ARHGEF11: variants seen among roughly 807,000 people sequenced by gnomAD.
The protein encoded by ARHGEF11 is Rho guanine exchange factor (GEF) 11.
ARHGEF11 carries 55 observed loss-of-function variants against 193.7 expected under a neutral mutation model. That is an observed-to-expected ratio of 0.28 (90% confidence interval 0.23 to 0.36). ARHGEF11 has a LOEUF of 0.36. Ranked by LOEUF, ARHGEF11 falls within the 10% of genes least tolerant of loss-of-function variation. The pLI, the probability that ARHGEF11 is intolerant of heterozygous loss-of-function variation, is 1.00. For synonymous variants in ARHGEF11, 693 were observed against 768.0 expected, an observed-to-expected ratio of 0.90 and a Z score of 1.62; for missense variants, 1,723 against 2,005.6, an observed-to-expected ratio of 0.86 and a Z score of 2.69.
intron 1 of ARHGEF11, among the ~76,000 whole-genome samples, chr1:156,993,292 A>G (rs1304941764): frequency 6.6e-6 from 1 of 152,212 alleles, no homozygotes; most frequent in Non-Finnish European, 1.5e-5. Flanking sequence ...TTTCTCTTTT[A>G]CATACATACA....
chr1:157,041,008 T>G (rs1672678523), intron 1 of ARHGEF11, among the ~76,000 whole-genome samples: 1 of 152,196 alleles, frequency 6.6e-6, no homozygotes, highest in African/African-American at 2.4e-5. Context: ...GTCACATAGT[T>G]AAGGGGAAAG....
At chr1:156,957,444 G>A (rs1055122614) in intron 18 of ARHGEF11, among the ~76,000 whole-genome samples, 1 of 152,192 alleles carries the variant, frequency 6.6e-6, no homozygotes, top group Non-Finnish European at 1.5e-5. Flanking sequence ...GTTACTACTT[G>A]AGGTAGTTTA....
chr1:156,944,305 G>A (rs1657676177), intron 31 of ARHGEF11, 53 bp downstream of exon 31: 3 of 1,577,864 alleles, frequency 1.9e-6, no homozygotes, highest in Non-Finnish European at 2.6e-6. Flanking sequence ...GAAGAGCCCA[G>A]GGAGGCCCAC....
At chr1:156,999,884 T>C (rs1667000865) in intron 1 of ARHGEF11, among the ~76,000 whole-genome samples, 1 of 152,240 alleles carries the variant, frequency 6.6e-6, no homozygotes, top group Non-Finnish European at 1.5e-5. Context: ...AACAGTAAGA[T>C]GGGAAGACCA....
intron 1 of ARHGEF11, among the ~76,000 whole-genome samples, chr1:157,033,407 C>T (rs936143499): frequency 1.3e-5 from 2 of 152,108 alleles, no homozygotes; most frequent in East Asian, 1.9e-4. Context: ...AAGTCACTTC[C>T]GTAGCAGAGA....
intron 1 of ARHGEF11, among the ~76,000 whole-genome samples, chr1:157,000,376 G>C (rs1474371487): frequency 1.3e-5 from 2 of 152,092 alleles, no homozygotes; most frequent in African/African-American, 4.8e-5. Flanking sequence ...CAAAAGACTG[G>C]ATTTTCTTCA....
At chr1:156,996,698 G>A (rs563687275) in intron 1 of ARHGEF11, among the ~76,000 whole-genome samples, 6 of 149,166 alleles carry the variant, frequency 4.0e-5, no homozygotes, top group South Asian at 4.4e-4. Flanking sequence ...GCGTGAACCC[G>A]GGGGGCGGAG....
chr1:156,940,101 C>A (rs1656481591), intron 36 of ARHGEF11, 106 bp downstream of exon 36: 2 of 1,428,540 alleles, frequency 1.4e-6, no homozygotes, highest in Non-Finnish European at 1.9e-6. Context: ...TCCTCAAGCA[C>A]ACCAGGAAGA....
rs1054951029 is a variant in ARHGEF11 at position 156,996,718 on chromosome 1, A to G, written c.33-10545T>C. ...AACCCGGGGGGCGGAGCTTGCAGTG[A>G]GCCGAGATCACGCCACTGCACTCCA... On this transcript the variant is annotated intron_variant, in intron 1 of 40. Transcript: ENST00000368194. Among the ~76,000 whole-genome samples, 91 of 137,038 alleles carry G rather than the reference A, an allele frequency of 6.6e-4. No individual in the cohort carries two copies. The Middle Eastern group carries it at 0.018, about 27-fold the overall frequency. 89.9% of individuals were successfully genotyped at this position (137,038 alleles called of 152,430 possible).
In ARHGEF11 at chr1:156,944,437, T is replaced by G; in HGVS notation, c.2992-4A>C. 1 of 1,598,568 alleles carries G rather than the reference T, an allele frequency of 6.3e-7. No individual in the cohort carries two copies. Among genetic ancestry groups the G allele is most frequent in the Non-Finnish European group, 8.5e-7 (1 of 1,176,736 alleles). The stretch of plus-strand genomic sequence containing the variant: ...TTCTGGTTGTAAGATCCAGGCTCTG[T>G]TAAGGAGACACCATTCATTCATTCA... On this transcript the variant is annotated splice_region_variant and splice_polypyrimidine_tract_variant and intron_variant, in intron 30 of 40. Transcript: ENST00000368194.
Position 156,954,879 on chromosome 1 carries a change from A to C in ARHGEF11, c.1798+13T>G, listed in dbSNP as rs1659719708. The C allele has an allele frequency of 1.2e-6, 2 of 1,606,404 alleles. No individual in the cohort carries two copies. The highest frequency in any genetic ancestry group is 4.5e-5 in the East Asian group (2 of 44,838). On this transcript the variant is annotated intron_variant, in intron 21 of 40. Transcript: ENST00000368194. ...TAATGCAAAGACAAACCCAAATAAA[A>C]TGGTCCTTTTACCTTCCACAGGGGA...
intron 1 of ARHGEF11, among the ~76,000 whole-genome samples, chr1:157,005,023 C>G (rs1667656745): frequency 6.6e-6 from 1 of 152,210 alleles, no homozygotes; most frequent in Non-Finnish European, 1.5e-5. Flanking sequence ...ACAGCTCCTT[C>G]TAATCTTGGC....
intron 11 of ARHGEF11, chr1:156,963,810 C>G: frequency 5.8e-6 from 8 of 1,388,512 alleles, no homozygotes; most frequent in Non-Finnish European, 7.5e-6. Flanking sequence ...AGGGCAGATT[C>G]AGAGCAGCCT....
intron 1 of ARHGEF11, among the ~76,000 whole-genome samples, chr1:157,020,692 G>A (rs1669864400): frequency 6.6e-6 from 1 of 152,220 alleles, no homozygotes; most frequent in African/African-American, 2.4e-5. Flanking sequence ...ATTTGCCTTT[G>A]TAATATAATA....
At chr1:156,990,003 A>G (rs967012563) in intron 1 of ARHGEF11, among the ~76,000 whole-genome samples, 1 of 152,234 alleles carries the variant, frequency 6.6e-6, no homozygotes, top group African/African-American at 2.4e-5. Context: ...GTCTGATACA[A>G]TATTATCTAA....
chr1:156,993,040 T>C (rs1166732752), intron 1 of ARHGEF11, among the ~76,000 whole-genome samples: 1 of 152,242 alleles, frequency 6.6e-6, no homozygotes, highest in East Asian at 1.9e-4. Flanking sequence ...GTGGTAATAA[T>C]GATAAAGTTC....
In ARHGEF11 at chr1:156,956,408, C is replaced by T; in HGVS notation, c.1671+12G>A. ...AGGATTACAGGCATGAGCCACCATG[C>T]CCGGCCCTCACCTTCTTGGTCTTAG... On this transcript the variant is annotated intron_variant, in intron 19 of 40. Coordinates refer to ENST00000368194, the MANE Select transcript of ARHGEF11 (RefSeq NM_198236.3). 1 of 1,613,870 alleles carries T rather than the reference C, an allele frequency of 6.2e-7. No individual in the cohort carries two copies. The highest frequency in any genetic ancestry group is 8.5e-7 in the Non-Finnish European group (1 of 1,179,870).
At chr1:156,993,087 T>G (rs1171149858) in intron 1 of ARHGEF11, among the ~76,000 whole-genome samples, 1 of 152,238 alleles carries the variant, frequency 6.6e-6, no homozygotes, top group African/African-American at 2.4e-5. Context: ...GCACTTGATA[T>G]AACCTTATCT....
At chr1:157,024,653 A>T (rs982946953) in intron 1 of ARHGEF11, among the ~76,000 whole-genome samples, 1 of 151,874 alleles carries the variant, frequency 6.6e-6, no homozygotes, top group African/African-American at 2.4e-5. Flanking sequence ...TTATCTCTTG[A>T]CTTGAGGGTC....
Sources: allele counts gnomAD v4.1 joint callset (sites outside exome capture counted in the v4.1 genomes callset), GRCh38; gene constraint gnomAD v4.1.1; transcripts MANE v1.5; gene names NCBI Gene and HGNC (gene_info 2026-07-23, HGNC 2026-07-21).